ATP6V1G1: variants seen among roughly 807,000 people sequenced by gnomAD.
ATP6V1G1 encodes the protein ATPase H+ transporting V1 subunit G1.
A neutral mutation model predicts 14.2 loss-of-function variants in ATP6V1G1; 14 were observed. The observed-to-expected ratio is 0.99, with a 90% confidence interval of 0.65 to 1.55. ATP6V1G1 has a LOEUF of 1.55. Ranked by LOEUF, ATP6V1G1 falls within the 40% of genes most tolerant of loss-of-function variation. The pLI, the probability that ATP6V1G1 is intolerant of heterozygous loss-of-function variation, is 0.00. For missense variants in ATP6V1G1, 137 were observed against 146.4 expected, an observed-to-expected ratio of 0.94 and a Z score of 0.33; for synonymous variants, 65 against 53.3, an observed-to-expected ratio of 1.22 and a Z score of -0.96.
intron 1 of ATP6V1G1, among the ~76,000 whole-genome samples, chr9:114,588,782 A>T (rs977223862): frequency 1.3e-5 from 2 of 152,166 alleles, no homozygotes; most frequent in African/African-American, 4.8e-5. Context: ...CTCTGCAATC[A>T]GTCATCCTTC....
intron 2 of ATP6V1G1, among the ~76,000 whole-genome samples, chr9:114,596,104 G>A (rs554126017): frequency 1.3e-5 from 2 of 152,042 alleles, no homozygotes; most frequent in Admixed American, 6.6e-5. Context: ...AACTGAAGAG[G>A]TAAAATGTTT....
intron 2 of ATP6V1G1, among the ~76,000 whole-genome samples, chr9:114,593,320 A>G (rs1268922698): frequency 6.6e-6 from 1 of 152,116 alleles, no homozygotes; most frequent in Non-Finnish European, 1.5e-5. Context: ...AAAACCCAAG[A>G]GCTTAAATAA....
intron 2 of ATP6V1G1, 132 bp downstream of exon 2, chr9:114,592,784 C>A (rs1845195818): frequency 3.5e-6 from 3 of 866,070 alleles, no homozygotes; most frequent in Non-Finnish European, 1.8e-6. Context: ...GTTTTATTGG[C>A]TGCTCAGGCA....
At position 114,592,659 on chromosome 9, in the gene ATP6V1G1, C is replaced by G; in HGVS notation, c.183+7C>G. ...CAAGGCCAAGGAAGCTGCGGTGGGG[C>G]ACCATTTGTTTTTGTTACTGCTTTA... On this transcript the variant is annotated splice_region_variant and intron_variant, in intron 2 of 2. Coordinates refer to ENST00000374050, the MANE Select transcript of ATP6V1G1 (RefSeq NM_004888.4). The G allele has an allele frequency of 1.3e-6, 2 of 1,566,414 alleles. No homozygotes were observed. Among genetic ancestry groups the G allele is most frequent in the Non-Finnish European group, 1.7e-6 (2 of 1,154,326 alleles).
intron 1 of ATP6V1G1, among the ~76,000 whole-genome samples, chr9:114,588,674 AG>A (rs1845153573): frequency 6.6e-6 from 1 of 152,038 alleles, no homozygotes; most frequent in Non-Finnish European, 1.5e-5. Context: ...GCTGGAGTGG[AG>A]AAATGTAAGG....
chr9:114,596,986 CTT>C (rs71367785), intron 2 of ATP6V1G1, among the ~76,000 whole-genome samples: 20 of 104,556 alleles, frequency 1.9e-4, no homozygotes, highest in South Asian at 1.7e-3. Flanking sequence ...ATAGCAGATT[CTT>C]TTTTTTTTTT....
chr9:114,593,605 C>T (rs1845205568), intron 2 of ATP6V1G1, among the ~76,000 whole-genome samples: 1 of 152,168 alleles, frequency 6.6e-6, no homozygotes, highest in Non-Finnish European at 1.5e-5. Flanking sequence ...AAGCGATCCT[C>T]CCCTGCCCAG....
intron 2 of ATP6V1G1, among the ~76,000 whole-genome samples, chr9:114,594,694 T>A (rs965639265): frequency 6.6e-6 from 1 of 151,960 alleles, no homozygotes; most frequent in African/African-American, 2.4e-5. Flanking sequence ...ATCTTCATAT[T>A]TTTACATTCT....
At chr9:114,590,597 ATAGT>A (rs945429673) in intron 1 of ATP6V1G1, among the ~76,000 whole-genome samples, 2 of 152,020 alleles carry the variant, frequency 1.3e-5, no homozygotes, top group Admixed American at 1.3e-4. Context: ...AGAATTGTTA[ATAGT>A]TAGGAACAGA....
Position 114,598,005 on chromosome 9 carries a change from C to A in ATP6V1G1, c.*262C>A. 4.3e-6 allele frequency: 1 copy of A among 230,128 alleles called. No individual in the cohort carries two copies. Among genetic ancestry groups the A allele is most frequent in the African/African-American group, 2.3e-5 (1 of 44,028 alleles). The allele number at this position is 230,128 out of a possible 1,614,324, so 14.3% of individuals were successfully genotyped here. A position where few individuals can be genotyped will look rare whatever the true frequency, so the allele number is the denominator to read the frequency against. ...TGTCTTTTTTTCCTATGTCTTTTGG[C>A]TCAAGCAACATGTATATCAGTGTTG... On this transcript the variant is annotated 3_prime_UTR_variant, in exon 3 of 3. Coordinates refer to ENST00000374050, the MANE Select transcript of ATP6V1G1 (RefSeq NM_004888.4).
intron 2 of ATP6V1G1, among the ~76,000 whole-genome samples, chr9:114,597,154 C>G (rs1845248268): frequency 1.3e-5 from 2 of 151,652 alleles, no homozygotes; most frequent in Admixed American, 6.6e-5. Flanking sequence ...CCACGCCCGG[C>G]TAATTTTTTG....
intron 2 of ATP6V1G1, among the ~76,000 whole-genome samples, chr9:114,595,368 C>G (rs1845227450): frequency 6.6e-6 from 1 of 152,062 alleles, no homozygotes. Flanking sequence ...GTATGAAGAG[C>G]CCTAAGGGCA....
intron 2 of ATP6V1G1, 22 bp downstream of exon 2, chr9:114,592,674 T>TTG: frequency 6.4e-7 from 1 of 1,556,502 alleles, no homozygotes; most frequent in Admixed American, 1.9e-5. Flanking sequence ...TTTGTTTTTG[T>TTG]TACTGCTTTA....
At chr9:114,590,124 G>C (rs1845167909) in intron 1 of ATP6V1G1, among the ~76,000 whole-genome samples, 1 of 151,754 alleles carries the variant, frequency 6.6e-6, no homozygotes, top group East Asian at 2.0e-4. Context: ...CTTGAACCCA[G>C]GAGGCAGAGG....
Sources: gnomAD v4.1 joint callset for allele counts (sites outside exome capture counted in the v4.1 genomes callset) on GRCh38, gnomAD v4.1.1 for gene constraint, MANE v1.5 for transcripts, NCBI Gene and HGNC (gene_info 2026-07-23, HGNC 2026-07-21) for gene names.